The following SMAD3 variants were observed in gnomAD, a reference collection of about 807,000 sequenced individuals.
The protein encoded by SMAD3 is MAD homolog 3.
In SMAD3, 12 loss-of-function variants were observed where a neutral mutation model predicts 51.8. The observed-to-expected ratio is 0.23, with a 90% CI of 0.15 to 0.38. The LOEUF is 0.38. SMAD3 is among the 10% of genes least tolerant of loss of function. SMAD3 has a pLI of 1.00. For synonymous variants in SMAD3, 238 were observed against 227.7 expected, an observed-to-expected ratio of 1.05 and a Z score of -0.41; for missense variants, 294 against 565.6, an observed-to-expected ratio of 0.52 and a Z score of 4.87.
At chr15:67,091,970 A>G (rs1394916511) in intron 1 of SMAD3, among the ~76,000 whole-genome samples, 4 of 152,202 alleles carry the variant, frequency 2.6e-5, no homozygotes, top group Middle Eastern at 3.2e-3. Flanking sequence ...GACAAAGGGA[A>G]CAGGTGGTGT....
intron 1 of SMAD3, chr15:67,098,711 C>G (rs1960675939): frequency 6.6e-6 from 4 of 602,606 alleles, no homozygotes; most frequent in South Asian, 3.8e-5. Flanking sequence ...AGAGAACTGT[C>G]CACAGGACAC....
chr15:67,138,162 A>G, intron 1 of SMAD3: 1 of 1,286,950 alleles, frequency 7.8e-7, no homozygotes, highest in Non-Finnish European at 1.1e-6. Context: ...CCACCCGTCC[A>G]CAGGGTTGCT....
At position 67,176,479 on chromosome 15, in the gene SMAD3, T is replaced by G. The variant is rs142855043; in HGVS notation, c.659-4762T>G. 4.8e-4 allele frequency among the ~76,000 whole-genome samples: 73 copies of G among 152,378 alleles called. 1 individual carries two copies. In the East Asian group the frequency reaches 0.011, roughly 23 times the overall value. Reference sequence around the variant, plus strand: ...TTTCGTCTTGCAGCAGCAGTGCTCCTGGCCTTTGCCCGTTCCTTGCTTTCG... The same window carrying G: ...TTTCGTCTTGCAGCAGCAGTGCTCCGGGCCTTTGCCCGTTCCTTGCTTTCG... On this transcript the variant is annotated intron_variant, in intron 5 of 8. Coordinates refer to ENST00000327367, the MANE Select transcript of SMAD3 (RefSeq NM_005902.4).
At chr15:67,188,884 G>A (rs1458995319) in intron 8 of SMAD3, among the ~76,000 whole-genome samples, 6 of 152,198 alleles carry the variant, frequency 3.9e-5, no homozygotes, top group Admixed American at 3.3e-4. Flanking sequence ...TCCACTTACC[G>A]TATTTTAGCT....
chr15:67,173,126 G>A lies in SMAD3; in HGVS notation c.658+2522G>A, dbSNP rs183711272. Among the ~76,000 whole-genome samples, 232 of 152,316 alleles carry A rather than the reference G, an allele frequency of 1.5e-3. 2 individuals are homozygous for A. The highest frequency in any genetic ancestry group is 5.5e-3 in the African/African-American group (229 of 41,568). The stretch of plus-strand genomic sequence containing the variant: ...GTACTCTGAGGGTTCGAGGGATGGA[G>A]CGATGGGATTCCAGGCTGGCCAGGC... On this transcript the variant is annotated intron_variant, in intron 5 of 8. Coordinates refer to ENST00000327367, the MANE Select transcript of SMAD3 (RefSeq NM_005902.4).
rs35277759 is a variant in SMAD3, at chr15:67,182,986, TAAAAAA to T, written c.871+1543_871+1548del. Among the ~76,000 whole-genome samples the T allele has an allele frequency of 8.8e-3, 421 of 47,962 alleles. 15 individuals are homozygous for T. In the East Asian group the frequency reaches 0.11, roughly 13 times the overall value. The allele number at this position is 47,962 out of a possible 152,430, so 31.5% of individuals were successfully genotyped here. A position where few individuals can be genotyped will look rare whatever the true frequency, so the allele number is the denominator to read the frequency against. ...CAACTGGCTTTTTTCTATATTTTAT[TAAAAAA>T]AAAAAAAAATATATATATATATATA... is the stretch of plus-strand genomic sequence containing the variant. On this transcript the variant is annotated intron_variant, in intron 6 of 8. Coordinates refer to ENST00000327367, the MANE Select transcript of SMAD3 (RefSeq NM_005902.4).
chr15:67,165,697 C>T (rs542089505), intron 3 of SMAD3, among the ~76,000 whole-genome samples: 1 of 152,346 alleles, frequency 6.6e-6, no homozygotes, highest in African/African-American at 2.4e-5. Context: ...GCCCTTGAGG[C>T]CCGGACTGGT....
At chr15:67,092,546 G>A (rs949518653) in intron 1 of SMAD3, among the ~76,000 whole-genome samples, 2 of 152,162 alleles carry the variant, frequency 1.3e-5, no homozygotes, top group African/African-American at 4.8e-5. Context: ...TCTGAATTTT[G>A]TACACTCTCC....
chr15:67,083,208 C>A (rs572816154), intron 1 of SMAD3, among the ~76,000 whole-genome samples: 2 of 152,378 alleles, frequency 1.3e-5, no homozygotes, highest in Admixed American at 6.5e-5. Flanking sequence ...GGTCCAAGTT[C>A]ACCACTCATA....
chr15:67,147,173 GAGAGCCAGAACTGTTTAC>G (rs952029421), intron 1 of SMAD3, among the ~76,000 whole-genome samples: 8 of 152,184 alleles, frequency 5.3e-5, no homozygotes, highest in Non-Finnish European at 2.9e-5. Flanking sequence ...AAGAGAGAGA[GAGAGCCAGAACTGTTTAC>G]AGAGCCCGGG....
intron 1 of SMAD3, among the ~76,000 whole-genome samples, chr15:67,110,315 C>T (rs890809381): frequency 1.3e-5 from 2 of 152,198 alleles, no homozygotes; most frequent in Admixed American, 6.5e-5. Flanking sequence ...ATCACCACCT[C>T]TGCTGGTGGA....
At chr15:67,136,557 C>G (rs1163022652) in intron 1 of SMAD3, among the ~76,000 whole-genome samples, 1 of 152,180 alleles carries the variant, frequency 6.6e-6, no homozygotes, top group East Asian at 1.9e-4. Context: ...TCTCGAACTC[C>G]TGACCTCAGG....
At chr15:67,153,178 C>T (rs368154146) in intron 1 of SMAD3, among the ~76,000 whole-genome samples, 600 of 152,234 alleles carry the variant, frequency 3.9e-3, no homozygotes, top group Non-Finnish European at 6.5e-3. Context: ...GCTGGGTAAA[C>T]GCTTGCTCTG....
At chr15:67,078,170 C>G (rs1960211424) in intron 1 of SMAD3, 1 of 152,226 alleles carries the variant, frequency 6.6e-6, no homozygotes, top group South Asian at 2.1e-4. Flanking sequence ...CTCAGGGACC[C>G]CAGGCGTTCA....
rs3985646 is a variant in SMAD3 at position 67,113,094 on chromosome 15, A to ATATATATATTTT, written c.206+46735_206+46736insATATATATTTTT. Among the ~76,000 whole-genome samples the ATATATATATTTT allele has an allele frequency of 4.2e-4, 47 of 112,556 alleles. 7 individuals carry two copies. Among genetic ancestry groups the ATATATATATTTT allele is most frequent in the East Asian group, 7.0e-4 (2 of 2,838 alleles). 73.8% of individuals were successfully genotyped at this position (112,556 alleles called of 152,430 possible). Reference sequence around the variant, plus strand: ...TATATGTGTATATATATATATATATATTTTTTTGAGACAGAGTCTTGCTCT... The same window carrying ATATATATATTTT: ...TATATGTGTATATATATATATATATATATATATATTTTTTTTTTTGAGACAGAGTCTTGCTCT... On this transcript the variant is annotated intron_variant, in intron 1 of 8. Transcript: ENST00000327367.
At chr15:67,181,493 C>T in intron 6 of SMAD3, 40 bp downstream of exon 6, 1 of 1,455,626 alleles carries the variant, frequency 6.9e-7, no homozygotes, top group Non-Finnish European at 9.2e-7. Flanking sequence ...CACCCTGCCC[C>T]TGCCACTCTA....
chr15:67,119,721 A>G lies in SMAD3; in HGVS notation c.207-45174A>G, dbSNP rs116465654. On this transcript the variant is annotated intron_variant, in intron 1 of 8. Transcript: ENST00000327367. ...TGCCCAAGAGAGCTTCTGAAAGGAA[A>G]AAGTCATAGCAAGTTGATATTTTTA... is the stretch of plus-strand genomic sequence containing the variant. Among the ~76,000 whole-genome samples, 1,286 of 152,360 alleles carry G rather than the reference A, an allele frequency of 8.4e-3. 22 individuals carry two copies. The highest frequency in any genetic ancestry group is 0.028 in the African/African-American group (1,151 of 41,578).
rs2140327649 is a variant in SMAD3 at position 67,190,399 on chromosome 15, C to T, written c.1155-14C>T. 1 of 1,613,694 alleles carries T rather than the reference C, an allele frequency of 6.2e-7. No homozygotes were observed. Among genetic ancestry groups the T allele is most frequent in the African/African-American group, 1.3e-5 (1 of 75,006 alleles). On this transcript the variant is annotated splice_polypyrimidine_tract_variant and intron_variant, in intron 8 of 8. Coordinates refer to ENST00000327367, the MANE Select transcript of SMAD3 (RefSeq NM_005902.4). ...TTAAGTCCCCCACCCCACCCCTTTC[C>T]CTATTTCTTACAGGAGACAGACTGT...
chr15:67,071,372 G>C (rs1000617705), intron 1 of SMAD3, among the ~76,000 whole-genome samples: 1 of 151,558 alleles, frequency 6.6e-6, no homozygotes, highest in Non-Finnish European at 1.5e-5. Context: ...TAGTGACTTG[G>C]GTGCTATATT....
Sources: allele counts gnomAD v4.1 joint callset (sites outside exome capture counted in the v4.1 genomes callset), GRCh38; gene constraint gnomAD v4.1.1; transcripts MANE v1.5; gene names NCBI Gene and HGNC (gene_info 2026-07-23, HGNC 2026-07-21).